Variants in TCERG1L observed in about 807,000 individuals in gnomAD.
TCERG1L encodes the protein transcription elongation regulator 1 like, also known as transcription elongation regulator 1-like protein.
TCERG1L carries 37 observed loss-of-function variants against 56.3 expected under a neutral mutation model. The observed-to-expected ratio is 0.66, with a 90% CI of 0.51 to 0.87. TCERG1L has a LOEUF of 0.87. TCERG1L is among the 40% of genes least tolerant of loss of function. The pLI, the probability that TCERG1L is intolerant of heterozygous loss-of-function variation, is 0.00. For missense variants in TCERG1L, 799 were observed against 774.2 expected, an observed-to-expected ratio of 1.03 and a Z score of -0.38; for synonymous variants, 324 against 326.3, an observed-to-expected ratio of 0.99 and a Z score of 0.08.
At chr10:131,240,066 C>T (rs746759497) in intron 4 of TCERG1L, among the ~76,000 whole-genome samples, 7 of 152,198 alleles carry the variant, frequency 4.6e-5, no homozygotes, top group Non-Finnish European at 7.3e-5. Context: ...GCTGACTGTG[C>T]TGGTCCCTGT....
chr10:131,238,337 C>CA (rs1845936314), intron 4 of TCERG1L, among the ~76,000 whole-genome samples: 5 of 152,304 alleles, frequency 3.3e-5, no homozygotes, highest in African/African-American at 1.2e-4. Flanking sequence ...AAGCTTCCTC[C>CA]AAAAAGAAGT....
chr10:131,100,882 C>T (rs1845298253), intron 10 of TCERG1L, among the ~76,000 whole-genome samples: 1 of 152,210 alleles, frequency 6.6e-6, no homozygotes, highest in Admixed American at 6.5e-5. Flanking sequence ...AGCTGCCATG[C>T]TCCCCTTTGA....
chr10:131,292,026 AGTT>A (rs1316316190), intron 3 of TCERG1L, among the ~76,000 whole-genome samples: 4 of 152,106 alleles, frequency 2.6e-5, no homozygotes, highest in Admixed American at 6.6e-5. Context: ...TTTAATTCTG[AGTT>A]GTTAAGTTGA....
intron 4 of TCERG1L, among the ~76,000 whole-genome samples, chr10:131,240,688 A>C (rs1845962472): frequency 6.6e-6 from 1 of 152,176 alleles, no homozygotes. Flanking sequence ...GGTCCTTCAC[A>C]ATCCCAGGGA....
At chr10:131,249,706 C>CCG (rs1263005344) in intron 4 of TCERG1L, among the ~76,000 whole-genome samples, 1 of 152,200 alleles carries the variant, frequency 6.6e-6, no homozygotes, top group Non-Finnish European at 1.5e-5. Context: ...ATCCACTCTC[C>CCG]CGCTCCTGGT....
chr10:131,253,145 C>T (rs1438198005), intron 4 of TCERG1L, among the ~76,000 whole-genome samples: 1 of 152,200 alleles, frequency 6.6e-6, no homozygotes, highest in African/African-American at 2.4e-5. Context: ...CTGAAGTTAG[C>T]CAGTGTCTCT....
At chr10:131,176,065 G>A (rs186543796) in intron 4 of TCERG1L, among the ~76,000 whole-genome samples, 18 of 152,320 alleles carry the variant, frequency 1.2e-4, no homozygotes, top group Admixed American at 6.5e-4. Flanking sequence ...TCAGTCTGTC[G>A]CTTCGTCGAG....
chr10:131,303,731 A>G (rs1846792394), intron 3 of TCERG1L, among the ~76,000 whole-genome samples: 1 of 152,076 alleles, frequency 6.6e-6, no homozygotes, highest in South Asian at 2.1e-4. Context: ...TCAGATGCAT[A>G]ATTCGTTCTT....
intron 4 of TCERG1L, among the ~76,000 whole-genome samples, chr10:131,173,605 A>C (rs1846115102): frequency 6.6e-6 from 1 of 152,158 alleles, no homozygotes; most frequent in South Asian, 2.1e-4. Flanking sequence ...TGTCAGATTC[A>C]CAAGAGTTGC....
chr10:131,228,705 T>G (rs1258246397), intron 4 of TCERG1L, among the ~76,000 whole-genome samples: 1 of 69,216 alleles, frequency 1.4e-5, no homozygotes, highest in African/African-American at 6.3e-5. Context: ...GCCTCCGGAG[T>G]CTCCCCTCCA....
intron 4 of TCERG1L, among the ~76,000 whole-genome samples, chr10:131,169,622 C>T (rs1250670895): frequency 3.3e-5 from 5 of 152,168 alleles, no homozygotes; most frequent in African/African-American, 1.2e-4. Flanking sequence ...AAGAGCAAGT[C>T]CCAGGGAGGA....
chr10:131,142,203 C>G (rs919854958), intron 7 of TCERG1L, among the ~76,000 whole-genome samples: 4 of 152,224 alleles, frequency 2.6e-5, no homozygotes, highest in Non-Finnish European at 5.9e-5. Context: ...TCCCAGAGAG[C>G]CTGGGGCAGG....
intron 4 of TCERG1L, among the ~76,000 whole-genome samples, chr10:131,211,819 C>T (rs777030140): frequency 3.3e-5 from 5 of 152,068 alleles, no homozygotes; most frequent in African/African-American, 4.8e-5. Flanking sequence ...GTGCAGACGG[C>T]GGCTGGGAGC....
At chr10:131,135,865 C>CG (rs1845670816) in intron 7 of TCERG1L, among the ~76,000 whole-genome samples, 1 of 152,216 alleles carries the variant, frequency 6.6e-6, no homozygotes, top group Admixed American at 6.5e-5. Context: ...CAGTGCAGAG[C>CG]GGGGGATGAG....
intron 5 of TCERG1L, 116 bp from the exon 6 acceptor site, chr10:131,163,326 A>AC: frequency 1.2e-6 from 1 of 805,234 alleles, no homozygotes; most frequent in South Asian, 1.9e-5. Context: ...TATAGTAGCC[A>AC]CGAGATAATG....
intron 4 of TCERG1L, among the ~76,000 whole-genome samples, chr10:131,192,222 A>G (rs11017815): frequency 0.096 from 12,740 of 133,332 alleles, 2,068 homozygotes; most frequent in East Asian, 0.23. Context: ...AAAAACATGA[A>G]CAGACATTTC....
intron 4 of TCERG1L, among the ~76,000 whole-genome samples, chr10:131,181,820 G>C (rs1378208244): frequency 6.6e-6 from 1 of 152,212 alleles, no homozygotes; most frequent in African/African-American, 2.4e-5. Flanking sequence ...AAAAACTCGT[G>C]GTAGCCACTA....
At chr10:131,156,639 C>T (rs1845925969) in intron 6 of TCERG1L, among the ~76,000 whole-genome samples, 2 of 152,168 alleles carry the variant, frequency 1.3e-5, no homozygotes, top group Non-Finnish European at 2.9e-5. Flanking sequence ...TGAAGATCGA[C>T]CCCTGACCTA....
intron 5 of TCERG1L, among the ~76,000 whole-genome samples, chr10:131,166,428 G>C (rs956897002): frequency 6.6e-6 from 1 of 152,274 alleles, no homozygotes; most frequent in African/African-American, 2.4e-5. Flanking sequence ...CCAGTGAAGA[G>C]AAAGACCTGA....
Sources: allele counts gnomAD v4.1 joint callset (sites outside exome capture counted in the v4.1 genomes callset), GRCh38; gene constraint gnomAD v4.1.1; transcripts MANE v1.5; gene names NCBI Gene and HGNC (gene_info 2026-07-23, HGNC 2026-07-21).